Variants in SPATA19 observed in about 807,000 individuals in gnomAD.
SPATA19 encodes spermatogenesis-associated protein 19, mitochondrial.
In SPATA19, 19 loss-of-function variants were observed where a neutral mutation model predicts 25.0. The ratio of observed to expected loss-of-function variants is 0.76; its 90% CI spans 0.53 to 1.11. SPATA19 has a LOEUF of 1.11. SPATA19 is among the 50% of genes most tolerant of loss of function. The pLI is 0.00. For synonymous variants in SPATA19, 64 were observed against 69.3 expected, an observed-to-expected ratio of 0.92 and a Z score of 0.38; for missense variants, 222 against 211.4, an observed-to-expected ratio of 1.05 and a Z score of -0.31.
Position 133,845,403 on chromosome 11 carries a change from C to G in SPATA19, c.44G>C (p.Gly15Ala). Reference sequence around the variant, plus strand: ...TATTGGTAGGAAGGGAAGCCCTACACCTTTCCGAGCAAGAATATACACAAT... The same window carrying G: ...TATTGGTAGGAAGGGAAGCCCTACAGCTTTCCGAGCAAGAATATACACAAT... The part of the protein sequence containing the change: ...TWIVYILARK[G>A]VGLPFLPITS... Residue 15 changes from glycine (G) to alanine (A), a missense_variant, in exon 1 of 7, where the codon GGT becomes GCT. Gly to Ala is a moderately conservative substitution (Grantham distance 60, BLOSUM62 0). Transcript: ENST00000299140. 6.2e-7 allele frequency: 1 copy of G among 1,614,152 alleles called. No individual in the cohort carries two copies. The highest frequency in any genetic ancestry group is 8.5e-7 in the Non-Finnish European group (1 of 1,179,988).
At chr11:133,839,227 C>A (rs1938259826), downstream of SPATA19, among the ~76,000 whole-genome samples, 1 of 152,126 alleles carries the variant, frequency 6.6e-6, no homozygotes, top group Non-Finnish European at 1.5e-5. Context: ...AAGACACATG[C>A]ACACGTATGT....
chr11:133,836,043 GTC>G (rs1265179450), downstream of SPATA19, among the ~76,000 whole-genome samples: 8 of 152,276 alleles, frequency 5.3e-5, no homozygotes, highest in African/African-American at 1.9e-4. Flanking sequence ...CCTGTTTCCT[GTC>G]TCTGCTGGGA....
chr11:133,845,348 G>T (rs749796784), intron 1 of SPATA19, 21 bp downstream of exon 1: 8 of 1,581,378 alleles, frequency 5.1e-6, no homozygotes, highest in Non-Finnish European at 7.0e-6. Context: ...TATTCCATGT[G>T]ACTACCACCA....
At chr11:133,845,054 G>T in intron 2 of SPATA19, 80 bp downstream of exon 2, 1 of 1,201,470 alleles carries the variant, frequency 8.3e-7, no homozygotes, top group Non-Finnish European at 1.2e-6. Context: ...CCATGAAGAA[G>T]GAAGTCCAGA....
At chr11:133,841,993 C>A (rs777882123) in intron 6 of SPATA19, 37 bp downstream of exon 6, 1 of 1,589,282 alleles carries the variant, frequency 6.3e-7, no homozygotes. Flanking sequence ...GGATAACCAT[C>A]TTCTCTGCCC....
chr11:133,844,657 T>A lies in SPATA19; in HGVS notation c.136-17A>T. ...TTCTTCTGTCTGAAAGGTGAGAAAT[T>A]CCCTCTGAAAATGTCACTCTGCATC... On this transcript the variant is annotated splice_polypyrimidine_tract_variant and intron_variant, in intron 2 of 6. Coordinates refer to ENST00000299140, the MANE Select transcript of SPATA19 (RefSeq NM_174927.3). The A allele has an allele frequency of 6.3e-7, 1 of 1,576,606 alleles. No homozygotes were observed. The highest frequency in any genetic ancestry group is 8.6e-7 in the Non-Finnish European group (1 of 1,162,582).
chr11:133,845,261 A>G (rs779112134), intron 1 of SPATA19, 71 bp from the exon 2 acceptor site: 390 of 1,240,724 alleles, frequency 3.1e-4, no homozygotes, highest in Non-Finnish European at 3.6e-4. Context: ...AGCCCCCGCA[A>G]CTGTTACTCA....
At chr11:133,839,965 C>CA (rs1484595446), downstream of SPATA19, among the ~76,000 whole-genome samples, 3 of 151,744 alleles carry the variant, frequency 2.0e-5, no homozygotes, top group Non-Finnish European at 4.4e-5. Flanking sequence ...AAGATAAATG[C>CA]AAAAAATAAT....
intron 4 of SPATA19, 74 bp downstream of exon 4, chr11:133,844,172 G>T: frequency 8.1e-7 from 1 of 1,228,964 alleles, no homozygotes; most frequent in Non-Finnish European, 1.2e-6. Context: ...AAGAGCATCT[G>T]AGGGTTCGTG....
intron 5 of SPATA19, 43 bp downstream of exon 5, chr11:133,842,442 C>T: frequency 1.3e-6 from 2 of 1,515,332 alleles, no homozygotes; most frequent in South Asian, 2.2e-5. Flanking sequence ...ACCCTACCTG[C>T]CCCCAGTCAG....
In SPATA19 at chr11:133,840,695, G is replaced by T. The variant is rs905454838; in HGVS notation, c.*238C>A. 2 of 152,148 alleles carry T rather than the reference G, an allele frequency of 1.3e-5. No homozygotes were observed. The highest frequency in any genetic ancestry group is 2.9e-5 in the Non-Finnish European group (2 of 68,040). The allele number at this position is 152,148 out of a possible 1,614,324, so 9.4% of individuals were successfully genotyped here. A position where few individuals can be genotyped will look rare whatever the true frequency, so the allele number is the denominator to read the frequency against. ...AGAAGACTCCAGTGCTGACACTGTC[G>T]CATGAAGAGCTCACCTGCTGGAGTC... is the stretch of plus-strand genomic sequence containing the variant. On this transcript the variant is annotated 3_prime_UTR_variant, in exon 7 of 7. Transcript: ENST00000299140.
At chr11:133,839,088 G>C (rs1938256662), downstream of SPATA19, among the ~76,000 whole-genome samples, 1 of 152,224 alleles carries the variant, frequency 6.6e-6, no homozygotes. Context: ...TAGTGGGACT[G>C]TGAACTAGTT....
rs1352175608 is a variant in SPATA19 at position 133,844,229 on chromosome 11, C to G, written c.359+17G>C. On this transcript the variant is annotated intron_variant, in intron 4 of 6. Transcript: ENST00000299140. ...CTCCCTCCCCTTCCTTCGCCCAGGGCAAGTGGGACACCTTACCTCCATCTT... is the reference window on the plus strand; with the variant it reads ...CTCCCTCCCCTTCCTTCGCCCAGGGGAAGTGGGACACCTTACCTCCATCTT... 6.2e-7 allele frequency: 1 copy of G among 1,610,588 alleles called. No individual in the cohort carries two copies. The highest frequency in any genetic ancestry group is 2.2e-5 in the East Asian group (1 of 44,846).
At chr11:133,841,423 T>C (rs1938306230) in intron 6 of SPATA19, among the ~76,000 whole-genome samples, 1 of 152,168 alleles carries the variant, frequency 6.6e-6, no homozygotes, top group South Asian at 2.1e-4. Flanking sequence ...ATCTCTCCCT[T>C]AGCCGCAGGA....
intron 4 of SPATA19, 34 bp downstream of exon 4, chr11:133,844,212 C>A: frequency 6.3e-7 from 1 of 1,577,218 alleles, no homozygotes; most frequent in Non-Finnish European, 8.7e-7. Flanking sequence ...CTCTCCCTCC[C>A]CTTCCTTCGC....
At chr11:133,844,773 C>T (rs1329822854) in intron 2 of SPATA19, 133 bp from the exon 3 acceptor site, 5 of 1,084,914 alleles carry the variant, frequency 4.6e-6, no homozygotes, top group Non-Finnish European at 5.2e-6. Flanking sequence ...ACACTCCTTA[C>T]CTCACTGTTC....
chr11:133,836,796 G>T (rs1565394808), downstream of SPATA19, among the ~76,000 whole-genome samples: 1 of 152,178 alleles, frequency 6.6e-6, no homozygotes, highest in African/African-American at 2.4e-5. Flanking sequence ...CCAGGGCAGG[G>T]ACCAGGTGGG....
intron 6 of SPATA19, 61 bp downstream of exon 6, chr11:133,841,969 C>T (rs992688943): frequency 2.0e-6 from 3 of 1,492,984 alleles, no homozygotes; most frequent in Non-Finnish European, 1.9e-6. Context: ...TGCAGTGCCC[C>T]TTCCCACTGC....
intron 2 of SPATA19, 65 bp from the exon 3 acceptor site, chr11:133,844,705 C>A (rs751388286): frequency 6.6e-7 from 1 of 1,515,516 alleles, no homozygotes; most frequent in East Asian, 2.3e-5. Flanking sequence ...TTCTTCTCCT[C>A]TTCCTTTCCT....
Sources: gnomAD v4.1 joint callset for allele counts (sites outside exome capture counted in the v4.1 genomes callset) on GRCh38, gnomAD v4.1.1 for gene constraint, MANE v1.5 for transcripts, NCBI Gene and HGNC (gene_info 2026-07-23, HGNC 2026-07-21) for gene names.